HLCS: variants seen among roughly 807,000 people sequenced by gnomAD.
HLCS encodes the protein biotin--protein ligase.
In HLCS, 53 loss-of-function variants were observed where a neutral mutation model predicts 75.0. The observed-to-expected ratio is 0.71, with a 90% CI of 0.57 to 0.89. HLCS has a LOEUF of 0.89. Ranked by LOEUF, HLCS falls within the 40% of genes least tolerant of loss-of-function variation. The pLI is 0.00. For synonymous variants in HLCS, 431 were observed against 428.6 expected (o/e 1.01, Z -0.07); for missense variants, 966 against 1,074.0 (o/e 0.90, Z 1.41).
intron 6 of HLCS, among the ~76,000 whole-genome samples, chr21:36,858,463 A>AC: frequency 6.6e-6 from 1 of 152,296 alleles, no homozygotes; most frequent in Middle Eastern, 3.4e-3. Context: ...GATTGGGGGG[A>AC]AACGATTGAA....
At chr21:36,939,133 A>AGTAAAATGTAATATC in intron 2 of HLCS, 139 bp from the exon 3 acceptor site, 4 of 740,160 alleles carry the variant, frequency 5.4e-6, no homozygotes, top group Non-Finnish European at 8.6e-6. Flanking sequence ...ACTGGATATT[A>AGTAAAATGTAATATC]CATTTTACTA....
At chr21:36,877,298 TTC>T (rs1286663470) in intron 6 of HLCS, among the ~76,000 whole-genome samples, 2 of 152,200 alleles carry the variant, frequency 1.3e-5, no homozygotes, top group African/African-American at 2.4e-5. Flanking sequence ...TTTTATTTTT[TTC>T]TCTCTTTTTT....
At chr21:36,935,865 T>C (rs8134448) in intron 4 of HLCS, among the ~76,000 whole-genome samples, 91,280 of 152,100 alleles carry the variant, frequency 0.6, 27,863 homozygotes, top group East Asian at 0.76. Flanking sequence ...TGTATTAGTA[T>C]GCCACAAATC....
intron 1 of HLCS, among the ~76,000 whole-genome samples, chr21:36,988,254 CTTTT>C (rs1255615892): frequency 6.6e-6 from 1 of 152,072 alleles, no homozygotes; most frequent in Admixed American, 6.6e-5. Flanking sequence ...TCCCTTTTCT[CTTTT>C]TCTTTCCAAA....
intron 5 of HLCS, among the ~76,000 whole-genome samples, chr21:36,899,683 C>T (rs2065155920): frequency 6.6e-6 from 1 of 152,206 alleles, no homozygotes; most frequent in Admixed American, 6.5e-5. Flanking sequence ...CTCTGTCATC[C>T]ATTCAACAAA....
intron 6 of HLCS, among the ~76,000 whole-genome samples, chr21:36,820,990 G>A (rs368343812): frequency 1.3e-5 from 2 of 152,162 alleles, no homozygotes; most frequent in Non-Finnish European, 1.5e-5. Flanking sequence ...CAGCCCTAGC[G>A]CCTGGGACGT....
chr21:36,874,394 T>C (rs2063883297), intron 6 of HLCS, among the ~76,000 whole-genome samples: 2 of 130,658 alleles, frequency 1.5e-5, no homozygotes, highest in Admixed American at 7.4e-5. Flanking sequence ...AGAGCGAGAC[T>C]CCGTCTCAAA....
chr21:36,948,109 G>C (rs2067490669), intron 2 of HLCS: 1 of 289,256 alleles, frequency 3.5e-6, no homozygotes, highest in Admixed American at 6.5e-5. Context: ...GGATGGCATG[G>C]TGAAACCCCC....
chr21:36,775,839 C>T (rs753885499), intron 6 of HLCS, among the ~76,000 whole-genome samples: 6 of 152,198 alleles, frequency 3.9e-5, no homozygotes, highest in Admixed American at 6.5e-5. Context: ...CTCACGTGGA[C>T]GACACAGCAA....
At chr21:36,945,975 G>T in intron 2 of HLCS, 1 of 247,212 alleles carries the variant, frequency 4.0e-6, no homozygotes, top group Non-Finnish European at 6.5e-6. Flanking sequence ...ATGCTTCAAT[G>T]TCCTGTCTGT....
chr21:36,841,020 T>C (rs2062597507), intron 6 of HLCS, among the ~76,000 whole-genome samples: 1 of 152,124 alleles, frequency 6.6e-6, no homozygotes, highest in South Asian at 2.1e-4. Flanking sequence ...ATGAAACTGT[T>C]TGGGGTGGGT....
intron 6 of HLCS, among the ~76,000 whole-genome samples, chr21:36,862,510 T>C (rs937255820): frequency 1.3e-5 from 2 of 152,244 alleles, no homozygotes; most frequent in Non-Finnish European, 2.9e-5. Context: ...GTGGTTTTGA[T>C]TGGCATCTCC....
At chr21:36,906,835 GGC>G in intron 5 of HLCS, among the ~76,000 whole-genome samples, 1 of 152,262 alleles carries the variant, frequency 6.6e-6, no homozygotes, top group Non-Finnish European at 1.5e-5. Context: ...GTGTGGTATT[GGC>G]ACACAGAGAT....
intron 6 of HLCS, among the ~76,000 whole-genome samples, chr21:36,889,532 G>A (rs989584899): frequency 1.3e-5 from 2 of 152,234 alleles, no homozygotes; most frequent in Admixed American, 1.3e-4. Flanking sequence ...TAAATGGAAT[G>A]TGCCACACAC....
At chr21:36,807,854 TATATA>T (rs2061405437) in intron 6 of HLCS, among the ~76,000 whole-genome samples, 1 of 152,148 alleles carries the variant, frequency 6.6e-6, no homozygotes, top group Non-Finnish European at 1.5e-5. Context: ...CATGACTCAA[TATATA>T]ACTGAATTGT....
chr21:36,802,587 C>A (rs13052574), intron 6 of HLCS, among the ~76,000 whole-genome samples: 20,300 of 152,164 alleles, frequency 0.13, 1,733 homozygotes, highest in Non-Finnish European at 0.18. Context: ...TTGGAGAAGT[C>A]ATTTAGCATC....
chr21:36,933,702 T>C (rs1012795605), intron 4 of HLCS, among the ~76,000 whole-genome samples: 3 of 152,004 alleles, frequency 2.0e-5, no homozygotes, highest in African/African-American at 7.3e-5. Context: ...CACACGGCTA[T>C]CCCGGAGATT....
chr21:36,812,065 A>G (rs1043219904), intron 6 of HLCS, among the ~76,000 whole-genome samples: 4 of 152,148 alleles, frequency 2.6e-5, no homozygotes, highest in African/African-American at 9.7e-5. Flanking sequence ...TCCACCCCAC[A>G]TGATCATTCT....
intron 2 of HLCS, among the ~76,000 whole-genome samples, chr21:36,949,459 C>CCA (rs1275905292): frequency 6.6e-6 from 1 of 152,184 alleles, no homozygotes; most frequent in Non-Finnish European, 1.5e-5. Context: ...AGCTGGACTC[C>CCA]CAGATGGCAT....
Sources: allele counts gnomAD v4.1 joint callset (sites outside exome capture counted in the v4.1 genomes callset), GRCh38; gene constraint gnomAD v4.1.1; transcripts MANE v1.5; gene names NCBI Gene and HGNC (gene_info 2026-07-23, HGNC 2026-07-21).